ANAPC1: variants seen among roughly 807,000 people sequenced by gnomAD.
The protein encoded by ANAPC1 is anaphase-promoting complex subunit 1.
ANAPC1 carries 36 observed loss-of-function variants against 208.0 expected under a neutral mutation model. The ratio of observed to expected loss-of-function variants is 0.17; its 90% CI spans 0.13 to 0.23. The LOEUF is 0.23. Ranked by LOEUF, ANAPC1 falls within the 10% of genes least tolerant of loss-of-function variation. The pLI is 1.00. For missense variants in ANAPC1, 942 were observed against 2,011.6 expected (o/e 0.47, Z 10.17); for synonymous variants, 378 against 695.2 (o/e 0.54, Z 7.18).
At chr2:111,782,197 T>C (rs1677321692) in intron 43 of ANAPC1, among the ~76,000 whole-genome samples, 172 bp downstream of exon 43, 1 of 149,970 alleles carries the variant, frequency 6.7e-6, no homozygotes, top group Admixed American at 6.6e-5. Context: ...TTATATTCAT[T>C]ATATTTTATT....
At chr2:111,867,288 CT>C (rs1682480742) in intron 7 of ANAPC1, among the ~76,000 whole-genome samples, 1 of 151,212 alleles carries the variant, frequency 6.6e-6, no homozygotes, top group East Asian at 1.9e-4. Flanking sequence ...AAAACTCTGT[CT>C]TAAAAAAGAA....
chr2:111,833,000 A>T (rs1680240594), intron 20 of ANAPC1, among the ~76,000 whole-genome samples: 1 of 148,238 alleles, frequency 6.7e-6, no homozygotes, highest in Non-Finnish European at 1.5e-5. Flanking sequence ...TGCAAGTCAG[A>T]ACCTTAGGGA....
intron 14 of ANAPC1, among the ~76,000 whole-genome samples, chr2:111,850,192 T>C (rs1345613511): frequency 6.6e-6 from 1 of 151,504 alleles, no homozygotes; most frequent in Non-Finnish European, 1.5e-5. Flanking sequence ...TAAGTATTTA[T>C]TCTACAGATT....
chr2:111,880,123 C>A (rs11692140), intron 2 of ANAPC1, among the ~76,000 whole-genome samples: 10,488 of 152,210 alleles, frequency 0.069, 564 homozygotes, highest in South Asian at 0.21. Context: ...CCTGTAAACG[C>A]AGCACTTTGG....
Position 111,839,913 on chromosome 2 carries a change from C to T in ANAPC1, c.2041-1401G>A, listed in dbSNP as rs528101190. On this transcript the variant is annotated intron_variant, in intron 17 of 47. Coordinates refer to ENST00000341068, the MANE Select transcript of ANAPC1 (RefSeq NM_022662.4). ...TTCAATGTGTCTCAGGTTAGCCAAC[C>T]CTGTTATATGCTCCTATGGACCCTT... Among the ~76,000 whole-genome samples the T allele has an allele frequency of 3.0e-3, 449 of 152,168 alleles. 1 individual carries two copies. The highest frequency in any genetic ancestry group is 0.01 in the African/African-American group (431 of 41,526).
intron 38 of ANAPC1, among the ~76,000 whole-genome samples, chr2:111,790,970 G>A (rs2104524286): frequency 1.3e-5 from 2 of 152,318 alleles, no homozygotes; most frequent in East Asian, 3.9e-4. Flanking sequence ...TTTGCAAGAT[G>A]AAAAATTTCT....
At chr2:111,854,928 G>A (rs562999458) in intron 13 of ANAPC1, among the ~76,000 whole-genome samples, 6 of 152,284 alleles carry the variant, frequency 3.9e-5, no homozygotes, top group African/African-American at 1.4e-4. Context: ...CTTTTCCTCT[G>A]CATGCACAAG....
downstream of ANAPC1, chr2:111,766,891 T>C (rs1226162195): frequency 1.1e-5 from 5 of 465,754 alleles, no homozygotes; most frequent in Non-Finnish European, 2.2e-5. Context: ...AGCTAGTTAC[T>C]AGACAAAGGG....
chr2:111,782,546 G>A, intron 42 of ANAPC1, 39 bp from the exon 43 acceptor site: 1 of 1,611,634 alleles, frequency 6.2e-7, no homozygotes, highest in Non-Finnish European at 8.5e-7. Flanking sequence ...AGGTATTACT[G>A]GCAGTTCTTG....
chr2:111,829,884 A>T (rs1328245111), intron 21 of ANAPC1, among the ~76,000 whole-genome samples: 2 of 152,132 alleles, frequency 1.3e-5, no homozygotes, highest in East Asian at 3.9e-4. Context: ...AGCCTGGACA[A>T]TATGGTGAAA....
chr2:111,880,140 G>A (rs1230431362), intron 2 of ANAPC1, among the ~76,000 whole-genome samples: 2 of 152,136 alleles, frequency 1.3e-5, no homozygotes. Flanking sequence ...TTGGGAGGCC[G>A]AGGCGGGTGG....
intron 2 of ANAPC1, among the ~76,000 whole-genome samples, chr2:111,879,390 CAT>C (rs1227648127): frequency 3.3e-5 from 5 of 152,176 alleles, no homozygotes; most frequent in Admixed American, 2.0e-4. Context: ...TTCGCAATCA[CAT>C]ATATATTCAC....
intron 21 of ANAPC1, among the ~76,000 whole-genome samples, chr2:111,829,274 T>A (rs1680002095): frequency 6.6e-6 from 1 of 152,184 alleles, no homozygotes; most frequent in African/African-American, 2.4e-5. Flanking sequence ...TTGCTATCAT[T>A]AAAAAAATCC....
At chr2:111,812,964 G>A (rs1679068180) in intron 28 of ANAPC1, among the ~76,000 whole-genome samples, 1 of 109,420 alleles carries the variant, frequency 9.1e-6, no homozygotes, top group South Asian at 3.4e-4. Context: ...TGTCCAATCT[G>A]TAAGGGAGAC....
At chr2:111,792,222 T>A (rs1207425300) in intron 38 of ANAPC1, 140 bp downstream of exon 38, 22 of 593,510 alleles carry the variant, frequency 3.7e-5, no homozygotes, top group East Asian at 1.2e-4. Context: ...AAGAAGCCCA[T>A]CAAGTCGAAT....
intron 9 of ANAPC1, among the ~76,000 whole-genome samples, 162 bp downstream of exon 9, chr2:111,863,511 CAA>C (rs372062409): frequency 0.24 from 29,710 of 122,370 alleles, 3,380 homozygotes; most frequent in Middle Eastern, 0.32. Flanking sequence ...GACTCCGTCT[CAA>C]AAAAAAAAAA....
chr2:111,808,404 A>T (rs553299456), intron 29 of ANAPC1, among the ~76,000 whole-genome samples: 9 of 152,296 alleles, frequency 5.9e-5, no homozygotes, highest in African/African-American at 2.2e-4. Context: ...TTTGGACCCA[A>T]TAAAAAACAG....
chr2:111,782,054 T>C (rs1269437606), intron 43 of ANAPC1, among the ~76,000 whole-genome samples: 2 of 152,084 alleles, frequency 1.3e-5, no homozygotes, highest in African/African-American at 4.8e-5. Flanking sequence ...TCTTCACCGA[T>C]TTGAAGATCA....
chr2:111,789,055 G>T (rs1392499914), intron 38 of ANAPC1, among the ~76,000 whole-genome samples: 1 of 152,194 alleles, frequency 6.6e-6, no homozygotes, highest in Non-Finnish European at 1.5e-5. Context: ...GGAGAATGGC[G>T]TGAACCCGGG....
Sources: allele counts gnomAD v4.1 joint callset (sites outside exome capture counted in the v4.1 genomes callset), GRCh38; gene constraint gnomAD v4.1.1; transcripts MANE v1.5; gene names NCBI Gene and HGNC (gene_info 2026-07-23, HGNC 2026-07-21).